Variants in KIAA1217 observed in about 807,000 individuals in gnomAD.
KIAA1217 encodes KIAA1217.
Under a neutral mutation model 163.9 loss-of-function variants are expected in KIAA1217, and 88 were observed. The ratio of observed to expected loss-of-function variants is 0.54; its 90% CI spans 0.45 to 0.64. The LOEUF is 0.64. Ranked by LOEUF, KIAA1217 falls within the 30% of genes least tolerant of loss-of-function variation. The pLI is 0.00. For synonymous variants in KIAA1217, 903 were observed against 923.1 expected (o/e 0.98, Z 0.39); for missense variants, 2,372 against 2,475.0 (o/e 0.96, Z 0.88).
At chr10:24,230,796 G>T (rs993717944) in intron 2 of KIAA1217, among the ~76,000 whole-genome samples, 1 of 152,132 alleles carries the variant, frequency 6.6e-6, no homozygotes, top group East Asian at 1.9e-4. Flanking sequence ...CTCCCAAAGT[G>T]CTGGGATTAC....
chr10:24,137,693 A>G (rs2063887292), intron 2 of KIAA1217, among the ~76,000 whole-genome samples: 1 of 152,240 alleles, frequency 6.6e-6, no homozygotes, highest in Non-Finnish European at 1.5e-5. Flanking sequence ...CTTGAAAACA[A>G]TAAAGACACT....
At chr10:23,732,612 T>C (rs1838537720) in intron 1 of KIAA1217, among the ~76,000 whole-genome samples, 1 of 152,196 alleles carries the variant, frequency 6.6e-6, no homozygotes, top group Non-Finnish European at 1.5e-5. Context: ...TTCATTGATT[T>C]TCTCTATTGA....
At chr10:24,013,534 G>T (rs1847341944) in intron 2 of KIAA1217, among the ~76,000 whole-genome samples, 1 of 152,172 alleles carries the variant, frequency 6.6e-6, no homozygotes, top group East Asian at 1.9e-4. Context: ...CTGTGTTATA[G>T]ATCATAATTA....
chr10:24,055,831 A>C (rs1163072188), intron 2 of KIAA1217, among the ~76,000 whole-genome samples: 1 of 152,166 alleles, frequency 6.6e-6, no homozygotes, highest in Admixed American at 6.5e-5. Flanking sequence ...TACTTATTAA[A>C]GTTATTTCAC....
intron 10 of KIAA1217, 96 bp downstream of exon 10, chr10:24,513,530 T>C: frequency 8.4e-7 from 1 of 1,195,732 alleles, no homozygotes; most frequent in Non-Finnish European, 1.2e-6. Flanking sequence ...GGTCTTGCCC[T>C]CTCTTTATTG....
chr10:24,383,349 T>G (rs2130538668), intron 3 of KIAA1217, among the ~76,000 whole-genome samples: 1 of 152,346 alleles, frequency 6.6e-6, no homozygotes, highest in Non-Finnish European at 1.5e-5. Flanking sequence ...ATGGATCTTT[T>G]GTCTTAAAGG....
intron 2 of KIAA1217, among the ~76,000 whole-genome samples, chr10:24,304,542 A>T (rs1329246326): frequency 6.6e-6 from 1 of 151,706 alleles, no homozygotes; most frequent in Admixed American, 6.6e-5. Flanking sequence ...GGGTCTCGTT[A>T]TGTTGCCCAG....
At chr10:24,389,864 G>C (rs768901361) in intron 3 of KIAA1217, among the ~76,000 whole-genome samples, 18 of 152,000 alleles carry the variant, frequency 1.2e-4, no homozygotes, top group Non-Finnish European at 1.8e-4. Flanking sequence ...AAGCTCCCAG[G>C]GCACGGCCAC....
chr10:23,960,681 TTAAA>T (rs2131372193), intron 1 of KIAA1217, among the ~76,000 whole-genome samples: 1 of 152,364 alleles, frequency 6.6e-6, no homozygotes, highest in East Asian at 1.9e-4. Context: ...TGCTTCATAA[TTAAA>T]TAATGTCCTA....
At chr10:24,231,901 C>G (rs1240703477) in intron 2 of KIAA1217, among the ~76,000 whole-genome samples, 1 of 152,034 alleles carries the variant, frequency 6.6e-6, no homozygotes, top group African/African-American at 2.4e-5. Flanking sequence ...GGGGTTCAGC[C>G]TTCTGCCTCA....
At chr10:24,275,064 A>C (rs1348048466) in intron 2 of KIAA1217, among the ~76,000 whole-genome samples, 2 of 152,132 alleles carry the variant, frequency 1.3e-5, no homozygotes, top group Non-Finnish European at 2.9e-5. Flanking sequence ...CAGCCTCCCA[A>C]ATATCTGGGA....
chr10:23,947,507 C>T (rs186085310), intron 1 of KIAA1217, among the ~76,000 whole-genome samples: 8 of 152,302 alleles, frequency 5.3e-5, no homozygotes, highest in African/African-American at 1.7e-4. Context: ...AAAGCTTTCA[C>T]CTAATTACTC....
chr10:23,824,831 C>A (rs1206748248), intron 1 of KIAA1217, among the ~76,000 whole-genome samples: 5 of 151,386 alleles, frequency 3.3e-5, no homozygotes, highest in Non-Finnish European at 7.4e-5. Context: ...CTCTAATTTT[C>A]CTAAGACAGC....
At chr10:24,545,136 C>T (rs759509189) in intron 20 of KIAA1217, 33 bp downstream of exon 20, 39 of 1,612,396 alleles carry the variant, frequency 2.4e-5, no homozygotes, top group Middle Eastern at 1.7e-4. Flanking sequence ...TTTGGATGGA[C>T]GCTATTTCAG....
intron 5 of KIAA1217, among the ~76,000 whole-genome samples, chr10:24,464,281 C>T (rs536763062): frequency 5.3e-5 from 8 of 152,174 alleles, no homozygotes; most frequent in Admixed American, 1.3e-4. Context: ...CTTGTAATGA[C>T]GAATCCATGC....
At chr10:24,506,129 A>G (rs2068317430) in intron 9 of KIAA1217, among the ~76,000 whole-genome samples, 1 of 152,210 alleles carries the variant, frequency 6.6e-6, no homozygotes, top group African/African-American at 2.4e-5. Flanking sequence ...ACAGCACCCC[A>G]ATAACATGGG....
Position 23,788,614 on chromosome 10 carries a change from C to T in KIAA1217, c.-321+93380C>T, listed in dbSNP as rs1232528815. ...AATTAATTAATGGAAGGTCAGATGGCAAATGATTTGCTTTCTGATGGGATT... is the reference window on the plus strand; with the variant it reads ...AATTAATTAATGGAAGGTCAGATGGTAAATGATTTGCTTTCTGATGGGATT... On this transcript the variant is annotated intron_variant, in intron 1 of 18. Transcript: ENST00000376462. Among the ~76,000 whole-genome samples the T allele has an allele frequency of 3.9e-5, 6 of 152,212 alleles. No homozygotes were observed. In the East Asian group the frequency reaches 9.6e-4, roughly 24 times the overall value.
At chr10:23,766,645 A>G (rs1834540821) in intron 1 of KIAA1217, among the ~76,000 whole-genome samples, 1 of 146,326 alleles carries the variant, frequency 6.8e-6, no homozygotes, top group Admixed American at 6.9e-5. Flanking sequence ...CTGGAGTGCA[A>G]TGGCACAATC....
At chr10:23,986,131 C>G (rs1845958588) in intron 1 of KIAA1217, among the ~76,000 whole-genome samples, 1 of 152,160 alleles carries the variant, frequency 6.6e-6, no homozygotes, top group Admixed American at 6.5e-5. Flanking sequence ...CACACTCTAC[C>G]AAGAGTCCCT....
Sources: allele counts gnomAD v4.1 joint callset (sites outside exome capture counted in the v4.1 genomes callset), GRCh38; gene constraint gnomAD v4.1.1; transcripts MANE v1.5; gene names NCBI Gene and HGNC (gene_info 2026-07-23, HGNC 2026-07-21).